CACNA1E: variants seen among roughly 807,000 people sequenced by gnomAD.
CACNA1E encodes the protein voltage-dependent R-type calcium channel subunit alpha-1E.
In CACNA1E, 40 loss-of-function variants were observed where a neutral mutation model predicts 259.2. The ratio of observed to expected loss-of-function variants is 0.15; its 90% CI spans 0.12 to 0.20. The LOEUF is 0.20. Ranked by LOEUF, CACNA1E falls within the 10% of genes least tolerant of loss-of-function variation. CACNA1E has a pLI of 1.00. For synonymous variants in CACNA1E, 1,104 were observed against 1,138.5 expected, an observed-to-expected ratio of 0.97 and a Z score of 0.61; for missense variants, 1,874 against 3,040.1, an observed-to-expected ratio of 0.62 and a Z score of 9.02.
intron 1 of CACNA1E, among the ~76,000 whole-genome samples, chr1:181,494,222 G>C (rs948350400): frequency 6.6e-6 from 1 of 152,152 alleles, no homozygotes; most frequent in African/African-American, 2.4e-5. Flanking sequence ...TGCAAGGGAG[G>C]GGGGACGTTA....
intron 21 of CACNA1E, among the ~76,000 whole-genome samples, chr1:181,735,112 T>C (rs974053539): frequency 6.6e-6 from 1 of 152,244 alleles, no homozygotes; most frequent in Non-Finnish European, 1.5e-5. Flanking sequence ...ATCTTCTCTA[T>C]AGTCAACGTG....
At chr1:181,597,167 A>G (rs916842383) in intron 6 of CACNA1E, among the ~76,000 whole-genome samples, 1 of 152,150 alleles carries the variant, frequency 6.6e-6, no homozygotes, top group African/African-American at 2.4e-5. Context: ...CTGCTGTGGC[A>G]ACCAATCTCT....
intron 7 of CACNA1E, among the ~76,000 whole-genome samples, chr1:181,682,082 G>A (rs899239933): frequency 1.3e-5 from 2 of 152,128 alleles, no homozygotes; most frequent in African/African-American, 4.8e-5. Context: ...CAATGTTGGG[G>A]GCCAAGAAGG....
intron 5 of CACNA1E, 147 bp from the exon 6 acceptor site, chr1:181,580,448 C>G (rs1327828392): frequency 6.9e-6 from 5 of 726,760 alleles, no homozygotes; most frequent in Non-Finnish European, 1.2e-5. Flanking sequence ...TGCAGAGAGG[C>G]CAGGGAGGAG....
intron 1 of CACNA1E, among the ~76,000 whole-genome samples, chr1:181,340,850 T>G (rs920531323): frequency 6.6e-6 from 1 of 152,210 alleles, no homozygotes; most frequent in African/African-American, 2.4e-5. Context: ...TTTTGAGTAG[T>G]GAGTGTGTTT....
At chr1:181,357,881 A>T (rs549029567) in intron 1 of CACNA1E, among the ~76,000 whole-genome samples, 1 of 152,280 alleles carries the variant, frequency 6.6e-6, no homozygotes, top group East Asian at 1.9e-4. Flanking sequence ...CAAGGAGGTC[A>T]CTTCTACTCC....
chr1:181,491,515 T>C lies in CACNA1E; in HGVS notation c.266+7505T>C, dbSNP rs375729025. Among the ~76,000 whole-genome samples the C allele has an allele frequency of 2.0e-5, 3 of 152,236 alleles. No homozygotes were observed. In the East Asian group the frequency reaches 5.8e-4, roughly 29 times the overall value. On this transcript the variant is annotated intron_variant, in intron 1 of 47. Coordinates refer to ENST00000367573, the MANE Select transcript of CACNA1E (RefSeq NM_001205293.3). The stretch of plus-strand genomic sequence containing the variant: ...CATGGTTTTGTTATCTGCCTGGCAA[T>C]GCCTTTCTAGAAGGCCAGTCTTACA...
chr1:181,560,814 C>T (rs938019072), intron 3 of CACNA1E, among the ~76,000 whole-genome samples: 2 of 152,144 alleles, frequency 1.3e-5, no homozygotes, highest in Non-Finnish European at 2.9e-5. Context: ...TTCACAATAA[C>T]CAAAAGGTTT....
At chr1:181,790,365 A>G in intron 43 of CACNA1E, 80 bp from the exon 44 acceptor site, 1 of 820,348 alleles carries the variant, frequency 1.2e-6, no homozygotes, top group Non-Finnish European at 2.1e-6. Flanking sequence ...CCAAGGCTAA[A>G]GGGTGTTGCC....
chr1:181,545,211 G>A (rs919517978), intron 3 of CACNA1E, among the ~76,000 whole-genome samples: 1 of 152,220 alleles, frequency 6.6e-6, no homozygotes, highest in Admixed American at 6.5e-5. Flanking sequence ...AACAGGTTGG[G>A]TGGAGCCTTG....
At chr1:181,749,815 C>T (rs776718578) in intron 25 of CACNA1E, among the ~76,000 whole-genome samples, 3 of 152,182 alleles carry the variant, frequency 2.0e-5, no homozygotes, top group Admixed American at 1.3e-4. Flanking sequence ...AATGGACTGG[C>T]GGTCATTTAA....
At chr1:181,425,534 C>CCG (rs1557994175) in intron 2 of CACNA1E, among the ~76,000 whole-genome samples, 1 of 116,320 alleles carries the variant, frequency 8.6e-6, no homozygotes, top group African/African-American at 3.7e-5. Flanking sequence ...CCCCCGCTCC[C>CCG]CCCCCCGACC....
chr1:181,656,958 G>A (rs1296011116), intron 7 of CACNA1E, among the ~76,000 whole-genome samples: 1 of 152,278 alleles, frequency 6.6e-6, no homozygotes, highest in Admixed American at 6.5e-5. Context: ...CTAGGTCTGT[G>A]TAAGTACACA....
rs1017885006 is a variant in CACNA1E, at chr1:181,578,972, G to C, written c.617-100G>C. 3.0e-6 allele frequency: 3 copies of C among 1,001,516 alleles called. No homozygotes were observed. The Admixed American group carries it at 8.3e-5, about 28-fold the overall frequency. The allele number at this position is 1,001,516 out of a possible 1,614,324, so 62.0% of individuals were successfully genotyped here. Reference sequence around the variant, plus strand: ...TAAATTTAATCTATCAGAGGCAGACGGCAGCATGGATGAAACCAATGAGGG... The same window carrying C: ...TAAATTTAATCTATCAGAGGCAGACCGCAGCATGGATGAAACCAATGAGGG... On this transcript the variant is annotated intron_variant, in intron 4 of 47. Coordinates refer to ENST00000367573, the MANE Select transcript of CACNA1E (RefSeq NM_001205293.3).
At chr1:181,504,581 A>T (rs535396083) in intron 1 of CACNA1E, among the ~76,000 whole-genome samples, 52 of 152,294 alleles carry the variant, frequency 3.4e-4, no homozygotes, top group African/African-American at 1.2e-3. Context: ...CTGAGAGGTG[A>T]TGATGAGGAG....
At position 181,798,944 on chromosome 1, in the gene CACNA1E, A is replaced by C. The variant is rs377342184; in HGVS notation, c.*110A>C. 2 of 942,566 alleles carry C rather than the reference A, an allele frequency of 2.1e-6. No individual in the cohort carries two copies. Among genetic ancestry groups the C allele is most frequent in the East Asian group, 5.4e-5 (2 of 37,030 alleles). 58.4% of individuals were successfully genotyped at this position (942,566 alleles called of 1,614,324 possible). A position where few individuals can be genotyped will look rare whatever the true frequency, so the allele number is the denominator to read the frequency against. ...GAGGAAGAGGGAAAAGGAAGATGGA[A>C]GGACACCATGCATTATCAGAGAAGA... On this transcript the variant is annotated 3_prime_UTR_variant, in exon 48 of 48. Transcript: ENST00000367573. The surrounding 1 kb of genome is among the most constrained non-coding windows in gnomAD (Gnocchi z 4.2).
intron 1 of CACNA1E, among the ~76,000 whole-genome samples, chr1:181,364,225 A>G (rs1240543844): frequency 6.6e-6 from 1 of 152,100 alleles, no homozygotes; most frequent in African/African-American, 2.4e-5. Context: ...TGAACTCTAC[A>G]TTGTGTGTCT....
intron 6 of CACNA1E, among the ~76,000 whole-genome samples, chr1:181,593,356 T>C (rs1272530823): frequency 6.6e-6 from 1 of 152,202 alleles, no homozygotes; most frequent in Non-Finnish European, 1.5e-5. Flanking sequence ...TTGTTCTGTG[T>C]TGTGAGCGTG....
chr1:181,534,734 T>G (rs1334372146), intron 3 of CACNA1E, among the ~76,000 whole-genome samples: 1 of 151,962 alleles, frequency 6.6e-6, no homozygotes, highest in Non-Finnish European at 1.5e-5. Flanking sequence ...ATTTAGCAAG[T>G]TCATCAAAAA....
Sources: gnomAD v4.1 joint callset for allele counts (sites outside exome capture counted in the v4.1 genomes callset) on GRCh38, gnomAD v4.1.1 for gene constraint, Gnocchi (gnomAD v3.1) non-coding constraint, MANE v1.5 for transcripts, NCBI Gene and HGNC (gene_info 2026-07-23, HGNC 2026-07-21) for gene names.